ATXN1: variants seen among roughly 807,000 people sequenced by gnomAD.
ATXN1 encodes ataxin 1.
A neutral mutation model predicts 56.4 loss-of-function variants in ATXN1; 8 were observed. The observed-to-expected ratio is 0.14, with a 90% CI of 0.08 to 0.26. ATXN1 has a LOEUF of 0.26. Ranked by LOEUF, ATXN1 falls within the 10% of genes least tolerant of loss-of-function variation. The probability of loss-of-function intolerance (pLI) is 1.00; values close to 1 mark genes in which losing one functional copy is unlikely to be tolerated. For synonymous variants in ATXN1, 514 were observed against 494.6 expected (o/e 1.04, Z -0.52); for missense variants, 987 against 1,106.5 (o/e 0.89, Z 1.53).
At chr6:16,376,691 G>A (rs543459342) in intron 6 of ATXN1, among the ~76,000 whole-genome samples, 1 of 152,240 alleles carries the variant, frequency 6.6e-6, no homozygotes, top group East Asian at 1.9e-4. Context: ...GGAGAATCGA[G>A]AATACAAAAA....
chr6:16,542,789 C>A (rs1471947593), intron 4 of ATXN1, among the ~76,000 whole-genome samples: 1 of 152,072 alleles, frequency 6.6e-6, no homozygotes, highest in East Asian at 1.9e-4. Flanking sequence ...TACATATACA[C>A]CCATGATAGA....
intron 3 of ATXN1, among the ~76,000 whole-genome samples, chr6:16,655,084 A>G (rs1758168111): frequency 6.6e-6 from 1 of 152,226 alleles, no homozygotes; most frequent in African/African-American, 2.4e-5. Flanking sequence ...TCAACGTAAA[A>G]CAAAGTGTGG....
Position 16,455,769 on chromosome 6 carries a change from G to A in ATXN1, c.-161+30203C>T, listed in dbSNP as rs143154695. 5.9e-5 allele frequency among the ~76,000 whole-genome samples: 9 copies of A among 152,278 alleles called. 1 individual carries two copies. In the East Asian group the frequency reaches 1.7e-3, roughly 29 times the overall value. ...AGCTGGACTTCCTGGGTTGAGTGGG[G>A]ACTTGGGGAAATTTCCCGTCCTACA... On this transcript the variant is annotated intron_variant, in intron 6 of 7. Coordinates refer to ENST00000436367, the MANE Select transcript of ATXN1 (RefSeq NM_001128164.2).
At chr6:16,427,969 T>C (rs754225900) in intron 6 of ATXN1, among the ~76,000 whole-genome samples, 18 of 152,318 alleles carry the variant, frequency 1.2e-4, no homozygotes, top group Non-Finnish European at 1.8e-4. Flanking sequence ...TCTTTTATTA[T>C]TGAGCTGATT....
chr6:16,483,530 C>A (rs780934443), intron 6 of ATXN1, among the ~76,000 whole-genome samples: 2 of 152,120 alleles, frequency 1.3e-5, no homozygotes, highest in African/African-American at 4.8e-5. Context: ...ACTAGGAACC[C>A]CCCACTGCCC....
intron 2 of ATXN1, among the ~76,000 whole-genome samples, chr6:16,679,091 G>A (rs1581357870): frequency 6.6e-6 from 1 of 152,064 alleles, no homozygotes; most frequent in East Asian, 1.9e-4. Flanking sequence ...TGGATGAATA[G>A]ATGGATGGAT....
At chr6:16,530,651 T>C (rs530707793) in intron 4 of ATXN1, among the ~76,000 whole-genome samples, 50 of 152,316 alleles carry the variant, frequency 3.3e-4, no homozygotes, top group African/African-American at 1.1e-3. Context: ...AACTAATGGT[T>C]ACTAGGCTTA....
chr6:16,380,573 T>C (rs544624137), intron 6 of ATXN1, among the ~76,000 whole-genome samples: 2 of 152,158 alleles, frequency 1.3e-5, no homozygotes, highest in Admixed American at 6.5e-5. Context: ...GACTGATCCA[T>C]GTGAGTGCTC....
chr6:16,326,383 G>A lies in ATXN1; in HGVS notation c.1917+11C>T, dbSNP rs548607221. 40 of 1,611,622 alleles carry A rather than the reference G, an allele frequency of 2.5e-5. No homozygotes were observed. The African/African-American group carries it at 4.5e-4, about 18-fold the overall frequency. On this transcript the variant is annotated intron_variant, in intron 7 of 7. Coordinates refer to ENST00000436367, the MANE Select transcript of ATXN1 (RefSeq NM_001128164.2). This position sits in a 1 kb window ranked among gnomAD's most constrained non-coding sequence, Gnocchi z 6.6. ...GGTGTCCCATCCCTGTGCCACCCTG[G>A]CTAACGTTACCTGGGCTCGGTGCTC... is the stretch of plus-strand genomic sequence containing the variant.
intron 6 of ATXN1, among the ~76,000 whole-genome samples, chr6:16,362,858 C>G (rs1167308692): frequency 6.6e-6 from 1 of 152,178 alleles, no homozygotes; most frequent in Non-Finnish European, 1.5e-5. Flanking sequence ...TAGTGATGAG[C>G]AGTAGGAATA....
At chr6:16,498,626 T>G (rs150460561) in intron 5 of ATXN1, among the ~76,000 whole-genome samples, 2 of 152,304 alleles carry the variant, frequency 1.3e-5, no homozygotes, top group East Asian at 3.9e-4. Context: ...AAGATTACCA[T>G]TTTTTCCACA....
intron 1 of ATXN1, chr6:16,754,756 C>A (rs1760837151): frequency 6.6e-6 from 1 of 152,140 alleles, no homozygotes; most frequent in African/African-American, 2.4e-5. Context: ...TCTGTGCGTA[C>A]AGAGAAGGAA....
At chr6:16,579,391 TTAG>T (rs1199010463) in intron 4 of ATXN1, among the ~76,000 whole-genome samples, 1 of 148,504 alleles carries the variant, frequency 6.7e-6, no homozygotes, top group African/African-American at 2.4e-5. Context: ...ATGGTAATTT[TTAG>T]AGGTGGAAGA....
Position 16,328,248 on chromosome 6 carries a change from G to T in ATXN1, c.63C>A (p.Ala21=). The change falls in exon 7 of 8, where the codon GCC becomes GCA. Residue 21 remains alanine, a synonymous_variant. Coordinates refer to ENST00000436367, the MANE Select transcript of ATXN1 (RefSeq NM_001128164.2). The surrounding 1 kb of genome is among the most constrained non-coding windows in gnomAD (Gnocchi z 6.2). ...CCTTCTCCTCGGAGGACCGGCTGGT[G>T]GCGGGGATCTCGCGCTTCTTGGGAG... ...CLPPKKREIP[A]TSRSSEEKAP... is the part of the protein sequence containing the mutation. The T allele has an allele frequency of 6.5e-7, 1 of 1,550,154 alleles. No individual in the cohort carries two copies. The highest frequency in any genetic ancestry group is 8.7e-7 in the Non-Finnish European group (1 of 1,149,604).
intron 6 of ATXN1, among the ~76,000 whole-genome samples, chr6:16,456,954 A>T (rs1369209950): frequency 6.6e-6 from 1 of 152,134 alleles, no homozygotes; most frequent in South Asian, 2.1e-4. Context: ...ATAGGAGGAG[A>T]CTCAGAAATT....
At chr6:16,519,601 T>G (rs1289210121) in intron 5 of ATXN1, among the ~76,000 whole-genome samples, 2 of 152,226 alleles carry the variant, frequency 1.3e-5, no homozygotes, top group Non-Finnish European at 2.9e-5. Context: ...CATTGCTCCA[T>G]GTCACTACCC....
At chr6:16,581,811 C>T (rs1211482871) in intron 4 of ATXN1, among the ~76,000 whole-genome samples, 1 of 152,130 alleles carries the variant, frequency 6.6e-6, no homozygotes, top group Admixed American at 6.5e-5. Flanking sequence ...TGTTCTGGTG[C>T]ACCTCGATTC....
At chr6:16,491,411 A>G (rs1173914307) in intron 5 of ATXN1, among the ~76,000 whole-genome samples, 1 of 151,404 alleles carries the variant, frequency 6.6e-6, no homozygotes, top group Non-Finnish European at 1.5e-5. Flanking sequence ...CAGCCTCCTG[A>G]GTAGCTGGGA....
chr6:16,496,482 A>T (rs1760783681), intron 5 of ATXN1, among the ~76,000 whole-genome samples: 1 of 152,152 alleles, frequency 6.6e-6, no homozygotes, highest in Non-Finnish European at 1.5e-5. Flanking sequence ...GGGATGGGGA[A>T]ACACAGGAGA....
Sources: gnomAD v4.1 joint callset for allele counts (sites outside exome capture counted in the v4.1 genomes callset) on GRCh38, gnomAD v4.1.1 for gene constraint, Gnocchi (gnomAD v3.1) non-coding constraint, MANE v1.5 for transcripts, NCBI Gene and HGNC (gene_info 2026-07-23, HGNC 2026-07-21) for gene names.